Variants in LYST observed in about 807,000 individuals in gnomAD.
The protein encoded by LYST is lysosomal trafficking regulator, also known as lysosomal-trafficking regulator.
LYST carries 192 observed loss-of-function variants against 413.6 expected under a neutral mutation model. The observed-to-expected ratio is 0.46, with a 90% CI of 0.41 to 0.52. LYST has a LOEUF of 0.52. LYST is among the 20% of genes least tolerant of loss of function. The pLI is 0.00. For missense variants in LYST, 3,815 were observed against 4,499.9 expected (o/e 0.85, Z 4.35); for synonymous variants, 1,525 against 1,567.3 (o/e 0.97, Z 0.64).
chr1:235,763,796 A>T (rs1667837097), intron 21 of LYST, among the ~76,000 whole-genome samples: 1 of 151,876 alleles, frequency 6.6e-6, no homozygotes, highest in Admixed American at 6.6e-5. Context: ...TCTCTTCCCT[A>T]CCATAGTGCT....
chr1:235,755,667 C>A lies in LYST; in HGVS notation c.7060-20G>T. On this transcript the variant is annotated intron_variant, in intron 24 of 52. Coordinates refer to ENST00000389793, the MANE Select transcript of LYST (RefSeq NM_000081.4). Reference sequence around the variant, plus strand: ...TAATAGCTAAACAAAAAATTTAAGTCAATTTAGATAATGCATTAAAATTAA... The same window carrying A: ...TAATAGCTAAACAAAAAATTTAAGTAAATTTAGATAATGCATTAAAATTAA... The A allele has an allele frequency of 7.3e-7, 1 of 1,361,912 alleles. No homozygotes were observed. The highest frequency in any genetic ancestry group is 1.2e-5 in the South Asian group (1 of 85,704). 84.4% of individuals were successfully genotyped at this position (1,361,912 alleles called of 1,614,324 possible). A position where few individuals can be genotyped will look rare whatever the true frequency, so the allele number is the denominator to read the frequency against.
chr1:235,872,228 G>A (rs1269415213), intron 1 of LYST, among the ~76,000 whole-genome samples: 5 of 150,092 alleles, frequency 3.3e-5, no homozygotes, highest in Non-Finnish European at 5.9e-5. Flanking sequence ...CCTGGGAGAC[G>A]GAGATTGCAG....
Position 235,661,510 on chromosome 1 carries a change from A to G in LYST, c.*1430T>C, listed in dbSNP as rs1658045214. The G allele has an allele frequency of 6.6e-6, 1 of 152,346 alleles. No individual in the cohort carries two copies. The highest frequency in any genetic ancestry group is 2.4e-5 in the African/African-American group (1 of 41,472). 9.4% of individuals were successfully genotyped at this position (152,346 alleles called of 1,614,324 possible). A position where few individuals can be genotyped will look rare whatever the true frequency, so the allele number is the denominator to read the frequency against. On this transcript the variant is annotated 3_prime_UTR_variant, in exon 53 of 53. Transcript: ENST00000389793. ...ATCTAAATGCAGCCTAGGTATCACT[A>G]CATGTGTATGCAGTTTAAGGTTAAA...
rs189197039 is a variant in LYST at position 235,707,486 on chromosome 1, G to A, written c.10143+1605C>T. Among the ~76,000 whole-genome samples, 42 of 152,168 alleles carry A rather than the reference G, an allele frequency of 2.8e-4. 1 individual carries two copies. Among genetic ancestry groups the A allele is most frequent in the African/African-American group, 9.4e-4 (39 of 41,490 alleles). On this transcript the variant is annotated intron_variant, in intron 44 of 52. Coordinates refer to ENST00000389793, the MANE Select transcript of LYST (RefSeq NM_000081.4). ...AAAAATACAAAAATTAGCCAGGTGCGGTGGTGGGCGCCTGTAATCCCAACT... is the reference window on the plus strand; with the variant it reads ...AAAAATACAAAAATTAGCCAGGTGCAGTGGTGGGCGCCTGTAATCCCAACT...
At chr1:235,735,132 G>C (rs1277017927) in intron 31 of LYST, 1 of 152,260 alleles carries the variant, frequency 6.6e-6, no homozygotes, top group African/African-American at 2.4e-5. Flanking sequence ...TTTGGGGAAA[G>C]AATTTTGGAA....
intron 21 of LYST, among the ~76,000 whole-genome samples, chr1:235,764,778 C>T (rs1394637473): frequency 6.6e-6 from 1 of 152,120 alleles, no homozygotes; most frequent in Non-Finnish European, 1.5e-5. Context: ...GCTGGGATTA[C>T]AGGCGTGAGC....
intron 12 of LYST, among the ~76,000 whole-genome samples, chr1:235,789,846 C>A (rs1252261961): frequency 2.0e-5 from 3 of 151,934 alleles, no homozygotes; most frequent in Non-Finnish European, 4.4e-5. Context: ...AGGACAAAAC[C>A]AGTGTGTACC....
intron 31 of LYST, chr1:235,738,356 A>C (rs975686682): frequency 5.6e-6 from 9 of 1,612,342 alleles, no homozygotes; most frequent in African/African-American, 2.7e-5. Context: ...CTTTAAATTC[A>C]TCATTCCTAA....
At chr1:235,755,114 G>A (rs1666887188) in intron 25 of LYST, among the ~76,000 whole-genome samples, 1 of 136,498 alleles carries the variant, frequency 7.3e-6, no homozygotes. Flanking sequence ...AAAAAGCCAG[G>A]CATAGTGGCT....
intron 31 of LYST, chr1:235,738,870 A>G: frequency 1.3e-6 from 1 of 755,396 alleles, no homozygotes. Context: ...CATTCCTTGC[A>G]TCTTGGGAGA....
At chr1:235,753,747 T>C (rs904626797) in intron 25 of LYST, among the ~76,000 whole-genome samples, 1 of 152,190 alleles carries the variant, frequency 6.6e-6, no homozygotes, top group African/African-American at 2.4e-5. Flanking sequence ...TTGTGCCTCA[T>C]TTTCCTTATC....
chr1:235,775,084 A>G lies in LYST; in HGVS notation c.5463T>C (p.Val1821=). 1 of 1,609,820 alleles carries G rather than the reference A, an allele frequency of 6.2e-7. No homozygotes were observed. Among genetic ancestry groups the G allele is most frequent in the South Asian group, 1.1e-5 (1 of 91,026 alleles). ...TGIFVFLFAR[V]VELSSCEETQ... ...TTTCTTCACAGCTACTGAGTTCAAC[A>G]ACCTAAAAAAAAAAATGGGTGGATA... is the stretch of plus-strand genomic sequence containing the variant. The change falls in exon 18 of 53, where the codon GTT becomes GTC. Residue 1821 remains valine, a splice_region_variant and synonymous_variant. Coordinates refer to ENST00000389793, the MANE Select transcript of LYST (RefSeq NM_000081.4).
chr1:235,867,118 G>A (rs1011862809), upstream of LYST, among the ~76,000 whole-genome samples: 1 of 152,228 alleles, frequency 6.6e-6, no homozygotes, highest in Non-Finnish European at 1.5e-5. Context: ...AGCCAATAGG[G>A]AAGGCAGGGG....
At chr1:235,781,200 C>G (rs527669193) in intron 15 of LYST, 145 bp from the exon 16 acceptor site, 1 of 613,380 alleles carries the variant, frequency 1.6e-6, no homozygotes, top group South Asian at 2.1e-5. Context: ...GCCTCAATTT[C>G]GAAATTGGTG....
chr1:235,677,100 A>G lies in LYST; in HGVS notation c.11029T>C (p.Cys3677Arg), dbSNP rs1659440993. 6.2e-7 allele frequency: 1 copy of G among 1,613,520 alleles called. No homozygotes were observed. Among genetic ancestry groups the G allele is most frequent in the Non-Finnish European group, 8.5e-7 (1 of 1,179,574 alleles). The change falls in exon 50 of 53, where the codon TGT (cysteine) becomes CGT (arginine). Residue 3677 changes from cysteine (C) to arginine (R), a missense_variant. Coordinates refer to ENST00000389793, the MANE Select transcript of LYST (RefSeq NM_000081.4). ...GTTGGAGCAAGCTCACCTGAATCAC[A>G]CACAGTAGCAATATCACCTGAGGTT... The part of the protein sequence containing the change: ...SETSGDIATV[C>R]DSAGGGSDLR...
intron 44 of LYST, 65 bp downstream of exon 44, chr1:235,709,026 A>T: frequency 6.9e-7 from 1 of 1,439,364 alleles, no homozygotes; most frequent in Non-Finnish European, 9.8e-7. Flanking sequence ...TGGCCGAACA[A>T]CTAACCTTAA....
intron 40 of LYST, among the ~76,000 whole-genome samples, chr1:235,720,108 G>C (rs915622768): frequency 2.8e-5 from 4 of 142,104 alleles, no homozygotes; most frequent in African/African-American, 1.0e-4. Flanking sequence ...CCGGGAGGCA[G>C]AGGTTGCAGT....
intron 11 of LYST, 44 bp from the exon 12 acceptor site, chr1:235,792,169 A>G (rs1478500075): frequency 1.6e-6 from 2 of 1,238,088 alleles, no homozygotes; most frequent in Non-Finnish European, 2.3e-6. Flanking sequence ...ATCACGTAAT[A>G]AAGTACATAA....
At chr1:235,789,369 GT>G (rs1670765424) in intron 12 of LYST, among the ~76,000 whole-genome samples, 1 of 152,136 alleles carries the variant, frequency 6.6e-6, no homozygotes, top group Admixed American at 6.5e-5. Flanking sequence ...TAATTGCTAA[GT>G]GATTCTGAAA....
Sources: allele counts gnomAD v4.1 joint callset (sites outside exome capture counted in the v4.1 genomes callset), GRCh38; gene constraint gnomAD v4.1.1; transcripts MANE v1.5; gene names NCBI Gene and HGNC (gene_info 2026-07-23, HGNC 2026-07-21).